Variants in NCKIPSD observed in about 807,000 individuals in gnomAD.
NCKIPSD encodes NCK interacting protein with SH3 domain.
In NCKIPSD, 48 loss-of-function variants were observed where a neutral mutation model predicts 73.4. The observed-to-expected ratio is 0.65, with a 90% CI of 0.52 to 0.83. NCKIPSD has a LOEUF of 0.83. Ranked by LOEUF, NCKIPSD falls within the 40% of genes least tolerant of loss-of-function variation. The pLI is 0.00. For missense variants in NCKIPSD, 884 were observed against 970.2 expected, an observed-to-expected ratio of 0.91 and a Z score of 1.18; for synonymous variants, 422 against 403.6, an observed-to-expected ratio of 1.05 and a Z score of -0.54.
chr3:48,680,402 G>A (rs1165897564), intron 5 of NCKIPSD, among the ~76,000 whole-genome samples, 173 bp from the exon 6 acceptor site: 3 of 152,154 alleles, frequency 2.0e-5, no homozygotes, highest in East Asian at 1.9e-4. Flanking sequence ...CCCAGGACAG[G>A]AGTCAACGGG....
intron 1 of NCKIPSD, among the ~76,000 whole-genome samples, chr3:48,684,072 G>C (rs1300970347): frequency 1.3e-5 from 2 of 151,332 alleles, no homozygotes; most frequent in Non-Finnish European, 2.9e-5. Context: ...AGAGAGGAAC[G>C]GAGAGGCAGA....
chr3:48,674,494 A>G lies in NCKIPSD; in HGVS notation c.*50T>C, dbSNP rs752404163. The G allele has an allele frequency of 1.2e-5, 19 of 1,544,634 alleles. No homozygotes were observed. In the South Asian group the frequency reaches 2.3e-4, roughly 18 times the overall value. On this transcript the variant is annotated 3_prime_UTR_variant, in exon 13 of 13. Transcript: ENST00000294129. ...AAACATTCTTAGGGCCAAGCCCCTG[A>G]GTCCCCTGCACACTGACTGGAGCTG...
rs56083113 is a variant in NCKIPSD at position 48,679,563 on chromosome 3, C to A, written c.1489+12G>T. ...GCAGGAAGTTCCCTCCTACCCCGCCCTCCAGCCTCACCCTGCGTGTCTGTC... is the reference window on the plus strand; with the variant it reads ...GCAGGAAGTTCCCTCCTACCCCGCCATCCAGCCTCACCCTGCGTGTCTGTC... On this transcript the variant is annotated intron_variant, in intron 8 of 12. Coordinates refer to ENST00000294129, the MANE Select transcript of NCKIPSD (RefSeq NM_016453.4). 6.2e-7 allele frequency: 1 copy of A among 1,613,612 alleles called. No homozygotes were observed. Among genetic ancestry groups the A allele is most frequent in the Non-Finnish European group, 8.5e-7 (1 of 1,179,576 alleles).
In NCKIPSD at chr3:48,681,673, CTGGTTCAGATGGGCTGGAGCT is replaced by C; in HGVS notation, c.685_705del (p.Ser229_Pro235del). On this transcript the variant is annotated inframe_deletion, in exon 5 of 13. Coordinates refer to ENST00000294129, the MANE Select transcript of NCKIPSD (RefSeq NM_016453.4). ...GGGGGTGTGGGTGAGCAGCTGGAGCCTGGTTCAGATGGGCTGGAGCTGGTATAGAGCGTGTCCAGGGAGGTG... is the reference window on the plus strand; with the variant it reads ...GGGGGTGTGGGTGAGCAGCTGGAGCCGGTATAGAGCGTGTCCAGGGAGGTG... The C allele has an allele frequency of 6.2e-7, 1 of 1,603,670 alleles. No homozygotes were observed.
chr3:48,681,324 A>C lies in NCKIPSD; in HGVS notation c.1055T>G (p.Val352Gly). 1.2e-6 allele frequency: 2 copies of C among 1,609,572 alleles called. No homozygotes were observed. Among genetic ancestry groups the C allele is most frequent in the Non-Finnish European group, 1.7e-6 (2 of 1,178,932 alleles). The change falls in exon 5 of 13, where the codon GTC becomes GGC. Residue 352 changes from valine (V) to glycine (G), a missense_variant. By Grantham distance (109) the Val-to-Gly change is moderately radical. Coordinates refer to ENST00000294129, the MANE Select transcript of NCKIPSD (RefSeq NM_016453.4). ...GAGTGAGAGGAGGACCTGCTCCATG[A>C]CTGGTGAGCTGGCCGGCACCGAGGC... is the stretch of plus-strand genomic sequence containing the variant. ...IQASVPASSP[V>G]MEQVLLSLVE...
At chr3:48,680,933 C>T (rs889080511) in intron 5 of NCKIPSD, among the ~76,000 whole-genome samples, 5 of 152,180 alleles carry the variant, frequency 3.3e-5, no homozygotes, top group Non-Finnish European at 5.9e-5. Flanking sequence ...TGCAGCCAGA[C>T]AGAACTCTTG....
chr3:48,680,049 C>T lies in NCKIPSD; in HGVS notation c.1263+10G>A. 6.2e-7 allele frequency: 1 copy of T among 1,608,330 alleles called. No homozygotes were observed. The highest frequency in any genetic ancestry group is 8.5e-7 in the Non-Finnish European group (1 of 1,175,932). On this transcript the variant is annotated intron_variant, in intron 6 of 12. Transcript: ENST00000294129. ...CCATGTGGGGTATGTGTGTGGGACC[C>T]CACCCTTACCAGAATATGCAGCAGC...
In NCKIPSD at chr3:48,681,338, C is replaced by T. The variant is rs556060624; in HGVS notation, c.1041G>A (p.Pro347=). The stretch of plus-strand genomic sequence containing the variant: ...CCTGCTCCATGACTGGTGAGCTGGC[C>T]GGCACCGAGGCCTGGATGTGACCCA... ...IIVGHIQASV[P]ASSPVMEQVL... The change falls in exon 5 of 13, where the codon CCG becomes CCA. Residue 347 remains proline, a synonymous_variant. Transcript: ENST00000294129. 123 of 1,610,524 alleles carry T rather than the reference C, an allele frequency of 7.6e-5. No homozygotes were observed. Among genetic ancestry groups the T allele is most frequent in the East Asian group, 1.6e-4 (7 of 44,856 alleles).
chr3:48,674,808 G>C, intron 12 of NCKIPSD, 61 bp from the exon 13 acceptor site: 1 of 1,557,274 alleles, frequency 6.4e-7, no homozygotes, highest in Non-Finnish European at 8.8e-7. Context: ...CCACTGGACA[G>C]GGACAGGACC....
At chr3:48,676,287 C>A (rs891863879) in intron 12 of NCKIPSD, among the ~76,000 whole-genome samples, 1 of 152,156 alleles carries the variant, frequency 6.6e-6, no homozygotes, top group Non-Finnish European at 1.5e-5. Context: ...CCCTCAGTAC[C>A]CACATCTCAC....
At chr3:48,682,849 C>T (rs1488520473) in intron 2 of NCKIPSD, 54 bp downstream of exon 2, 2 of 1,520,544 alleles carry the variant, frequency 1.3e-6, no homozygotes, top group African/African-American at 2.8e-5. Context: ...CATTGAAGAA[C>T]CCCACCCCAC....
chr3:48,674,243 C>T lies in NCKIPSD; in HGVS notation c.*301G>A. ...GGTCTGGTCCAGCCTGGAGCGGCAGCAGGACTCTGAGTGTACACATGGGTG... is the reference window on the plus strand; with the variant it reads ...GGTCTGGTCCAGCCTGGAGCGGCAGTAGGACTCTGAGTGTACACATGGGTG... On this transcript the variant is annotated 3_prime_UTR_variant, in exon 13 of 13. Transcript: ENST00000294129. 7.8e-7 allele frequency: 1 copy of T among 1,279,172 alleles called. No homozygotes were observed. The highest frequency in any genetic ancestry group is 1.9e-5 in the South Asian group (1 of 53,696). The allele number at this position is 1,279,172 out of a possible 1,614,324, so 79.2% of individuals were successfully genotyped here.
At chr3:48,680,890 C>T (rs540276600) in intron 5 of NCKIPSD, among the ~76,000 whole-genome samples, 2 of 152,188 alleles carry the variant, frequency 1.3e-5, no homozygotes, top group African/African-American at 2.4e-5. Context: ...CAGCAAGGCA[C>T]TACCCTCACC....
chr3:48,685,240 G>T (rs2077419413), intron 1 of NCKIPSD, among the ~76,000 whole-genome samples: 1 of 144,448 alleles, frequency 6.9e-6, no homozygotes, highest in Non-Finnish European at 1.5e-5. Context: ...GTTGGTTGTG[G>T]GGTCCTAGGA....
rs1410407440 is a variant in NCKIPSD at position 48,679,696 on chromosome 3, C to T, written c.1368G>A (p.Leu456=). The T allele has an allele frequency of 5.6e-6, 9 of 1,614,202 alleles. No individual in the cohort carries two copies. In the South Asian group the frequency reaches 8.8e-5, roughly 16 times the overall value. The change falls in exon 8 of 13, where the codon CTG becomes CTA. Residue 456 remains leucine (L), a synonymous_variant. Transcript: ENST00000294129. ...CAAAGCACTTGAGGAGCAGCAGCCG[C>T]AGTGATGCTCGGTGTTCCTGGCAGG... ...AYYQMEHRAS[L]RLLLLKCFGA... is the part of the protein sequence containing the mutation.
rs555052784 is a variant in NCKIPSD, at chr3:48,682,807, G to A, written c.281+96C>T. On this transcript the variant is annotated intron_variant, in intron 2 of 12. Transcript: ENST00000294129. ...TCCCCCACCACCCTTGCCAACCCTC[G>A]CATTTCCCAGGCCCACCTGCCCCAT... The A allele has an allele frequency of 4.4e-4, 648 of 1,476,270 alleles. 1 individual carries two copies. The highest frequency in any genetic ancestry group is 5.0e-4 in the Non-Finnish European group (544 of 1,098,344). 91.4% of individuals were successfully genotyped at this position (1,476,270 alleles called of 1,614,324 possible).
chr3:48,677,513 A>C (rs530383668), intron 12 of NCKIPSD, among the ~76,000 whole-genome samples: 10 of 152,134 alleles, frequency 6.6e-5, no homozygotes, highest in African/African-American at 1.9e-4. Flanking sequence ...AGTTGTCTCC[A>C]TTTACTGCTT....
At chr3:48,684,741 G>A (rs1051216892) in intron 1 of NCKIPSD, among the ~76,000 whole-genome samples, 1 of 152,204 alleles carries the variant, frequency 6.6e-6, no homozygotes, top group Non-Finnish European at 1.5e-5. Flanking sequence ...AGGGAAACAG[G>A]AACTGGGACT....
intron 12 of NCKIPSD, among the ~76,000 whole-genome samples, chr3:48,675,642 A>T (rs895904076): frequency 6.6e-6 from 1 of 151,148 alleles, no homozygotes; most frequent in African/African-American, 2.4e-5. Context: ...CCTGGATTCA[A>T]GTGATTCTCC....
Sources: allele counts gnomAD v4.1 joint callset (sites outside exome capture counted in the v4.1 genomes callset), GRCh38; gene constraint gnomAD v4.1.1; transcripts MANE v1.5; gene names NCBI Gene and HGNC (gene_info 2026-07-23, HGNC 2026-07-21).